Variants in MIPEP observed in about 807,000 individuals in gnomAD.
MIPEP encodes the protein mitochondrial intermediate peptidase.
In MIPEP, 79 loss-of-function variants were observed where a neutral mutation model predicts 90.3. The ratio of observed to expected loss-of-function variants is 0.87; its 90% CI spans 0.73 to 1.05. The LOEUF is 1.05. Ranked by LOEUF, MIPEP falls within the 50% of genes least tolerant of loss-of-function variation. MIPEP has a pLI of 0.00. For synonymous variants in MIPEP, 334 were observed against 315.8 expected (o/e 1.06, Z -0.61); for missense variants, 940 against 905.6 (o/e 1.04, Z -0.49).
chr13:23,742,320 G>C (rs1424282653), intron 18 of MIPEP, among the ~76,000 whole-genome samples: 4 of 146,492 alleles, frequency 2.7e-5, no homozygotes, highest in African/African-American at 1.1e-4. Context: ...TTAGAGCAAG[G>C]GTTTAGTAAG....
chr13:23,817,832 A>G (rs2137423388), intron 14 of MIPEP, among the ~76,000 whole-genome samples: 1 of 152,324 alleles, frequency 6.6e-6, no homozygotes, highest in South Asian at 2.1e-4. Flanking sequence ...CCCCCACAAA[A>G]GGATCAGTAA....
At chr13:23,762,272 A>G (rs759679810) in intron 16 of MIPEP, among the ~76,000 whole-genome samples, 3 of 152,210 alleles carry the variant, frequency 2.0e-5, no homozygotes, top group East Asian at 3.8e-4. Context: ...CTACAACTCT[A>G]TAAACTAGAT....
chr13:23,831,348 A>G (rs1161669587), intron 14 of MIPEP, among the ~76,000 whole-genome samples: 1 of 118,202 alleles, frequency 8.5e-6, no homozygotes, highest in Non-Finnish European at 1.7e-5. Flanking sequence ...TACCCAAATG[A>G]TCTGGGCGTC....
rs1458468941 is a variant in MIPEP at position 23,743,779 on chromosome 13, C to T, written c.2044+12766G>A. Among the ~76,000 whole-genome samples, 3 of 152,340 alleles carry T rather than the reference C, an allele frequency of 2.0e-5. No homozygotes were observed. In the East Asian group the frequency reaches 5.8e-4, roughly 29 times the overall value. ...GCTCAGTGTCTTCCTTAAACAAACA[C>T]ACCCACACATTAAACACGCACACAC... On this transcript the variant is annotated intron_variant, in intron 18 of 18. Coordinates refer to ENST00000382172, the MANE Select transcript of MIPEP (RefSeq NM_005932.4).
chr13:23,836,585 A>C (rs1456736852), intron 13 of MIPEP, among the ~76,000 whole-genome samples: 1 of 152,216 alleles, frequency 6.6e-6, no homozygotes, highest in African/African-American at 2.4e-5. Flanking sequence ...CTGCTAAAAC[A>C]CCTTATAAAG....
chr13:23,732,896 G>A (rs1646842186), intron 18 of MIPEP, among the ~76,000 whole-genome samples: 1 of 152,198 alleles, frequency 6.6e-6, no homozygotes, highest in Admixed American at 6.5e-5. Flanking sequence ...TTGAGATTTT[G>A]CGTTTCACTG....
intron 18 of MIPEP, among the ~76,000 whole-genome samples, chr13:23,740,258 G>C (rs975523376): frequency 4.6e-5 from 7 of 152,192 alleles, no homozygotes; most frequent in African/African-American, 1.7e-4. Flanking sequence ...AGGGTGGCCA[G>C]ATGTGTTCTT....
intron 16 of MIPEP, among the ~76,000 whole-genome samples, chr13:23,793,130 G>T (rs1952916922): frequency 6.6e-6 from 1 of 152,170 alleles, no homozygotes; most frequent in Non-Finnish European, 1.5e-5. Context: ...CCACATACAG[G>T]AGTATTCATA....
intron 1 of MIPEP, chr13:23,888,646 G>A (rs1782777633): frequency 2.2e-6 from 2 of 905,246 alleles, no homozygotes; most frequent in Middle Eastern, 5.8e-4. Context: ...TTAATTAATA[G>A]ATGATGGAAT....
chr13:23,783,416 A>G (rs1952802587), intron 16 of MIPEP, among the ~76,000 whole-genome samples: 1 of 152,124 alleles, frequency 6.6e-6, no homozygotes, highest in African/African-American at 2.4e-5. Flanking sequence ...CATGTTAAAA[A>G]CTCTCAATAA....
chr13:23,790,562 T>C (rs1180192709), intron 16 of MIPEP, among the ~76,000 whole-genome samples: 1 of 142,394 alleles, frequency 7.0e-6, no homozygotes, highest in African/African-American at 2.6e-5. Flanking sequence ...CAAGGGTCCT[T>C]ATAAAAGAAA....
At chr13:23,827,790 T>C (rs1009681661) in intron 14 of MIPEP, among the ~76,000 whole-genome samples, 1 of 152,072 alleles carries the variant, frequency 6.6e-6, no homozygotes, top group African/African-American at 2.4e-5. Flanking sequence ...AAATTAGCCA[T>C]GTGTGGTGGC....
At chr13:23,843,826 T>C (rs1015809558) in intron 10 of MIPEP, among the ~76,000 whole-genome samples, 2 of 152,114 alleles carry the variant, frequency 1.3e-5, no homozygotes, top group East Asian at 1.9e-4. Context: ...GTGTGAGTGA[T>C]TGGATTTGGA....
chr13:23,741,192 G>C (rs1644439171), intron 18 of MIPEP, among the ~76,000 whole-genome samples: 1 of 152,174 alleles, frequency 6.6e-6, no homozygotes, highest in South Asian at 2.1e-4. Context: ...AGGTTGTAGA[G>C]AAAAAGGAAT....
intron 16 of MIPEP, among the ~76,000 whole-genome samples, chr13:23,781,008 G>A (rs1393808684): frequency 1.3e-5 from 2 of 152,264 alleles, no homozygotes; most frequent in East Asian, 1.9e-4. Flanking sequence ...GGGGAGAATG[G>A]AACCAAGTTG....
Position 23,772,317 on chromosome 13 carries a change from TAAC to T in MIPEP, c.1849-12103_1849-12101del, listed in dbSNP as rs61483736. ...GCAAGAGTTTTTAGCAATTTTTTTT[TAAC>T]AACAACAACAAAAAAAACGGCTACA... is the stretch of plus-strand genomic sequence containing the variant. On this transcript the variant is annotated intron_variant, in intron 16 of 18. Coordinates refer to ENST00000382172, the MANE Select transcript of MIPEP (RefSeq NM_005932.4). Among the ~76,000 whole-genome samples, 21 of 151,688 alleles carry T rather than the reference TAAC, an allele frequency of 1.4e-4. No individual in the cohort carries two copies. The South Asian group carries it at 4.0e-3, about 29-fold the overall frequency.
chr13:23,804,887 C>T (rs992633324), intron 16 of MIPEP, among the ~76,000 whole-genome samples: 1 of 152,180 alleles, frequency 6.6e-6, no homozygotes, highest in African/African-American at 2.4e-5. Flanking sequence ...AGTTAGCTCT[C>T]CTTCTGTTAG....
intron 14 of MIPEP, among the ~76,000 whole-genome samples, chr13:23,826,194 G>C (rs554826958): frequency 6.6e-6 from 1 of 152,124 alleles, no homozygotes; most frequent in East Asian, 1.9e-4. Context: ...AATATAGAGA[G>C]CAAAAATGGA....
intron 10 of MIPEP, 109 bp from the exon 11 acceptor site, chr13:23,841,597 A>T: frequency 5.1e-6 from 6 of 1,186,084 alleles, no homozygotes; most frequent in Non-Finnish European, 7.0e-6. Flanking sequence ...CTAAAGAAGG[A>T]TTCAAAACAT....
Sources: allele counts gnomAD v4.1 joint callset (sites outside exome capture counted in the v4.1 genomes callset), GRCh38; gene constraint gnomAD v4.1.1; transcripts MANE v1.5; gene names NCBI Gene and HGNC (gene_info 2026-07-23, HGNC 2026-07-21).